The following RPH3AL variants were observed in gnomAD, a reference collection of about 807,000 sequenced individuals.
The protein encoded by RPH3AL is rabphilin 3A like (without C2 domains).
RPH3AL carries 38 observed loss-of-function variants against 43.1 expected under a neutral mutation model. The ratio of observed to expected loss-of-function variants is 0.88; its 90% confidence interval spans 0.68 to 1.15. The LOEUF (loss-of-function observed/expected upper bound fraction) is 1.15. Ranked by LOEUF, RPH3AL falls within the 50% of genes most tolerant of loss-of-function variation. RPH3AL has a pLI of 0.00. For missense variants in RPH3AL, 462 were observed against 423.2 expected (o/e 1.09, Z -0.81); for synonymous variants, 189 against 176.3 (o/e 1.07, Z -0.57).
At chr17:307,265 CCACGGCAGGT>C (rs2043519310) in intron 5 of RPH3AL, among the ~76,000 whole-genome samples, 1 of 110,438 alleles carries the variant, frequency 9.1e-6, no homozygotes, top group African/African-American at 3.8e-5. Flanking sequence ...CAGGTCCATC[CCACGGCAGGT>C]CCATCCCGCG....
chr17:248,126 T>C (rs2041809761), intron 6 of RPH3AL, among the ~76,000 whole-genome samples: 1 of 152,126 alleles, frequency 6.6e-6, no homozygotes, highest in Non-Finnish European at 1.5e-5. Flanking sequence ...TGCAGACACC[T>C]CCTCCTGCCC....
rs1015298098 is a variant in RPH3AL, at chr17:246,359, G to A, written c.613+752C>T. 2.6e-5 allele frequency among the ~76,000 whole-genome samples: 4 copies of A among 152,018 alleles called. No homozygotes were observed. The highest frequency in any genetic ancestry group is 2.0e-4 in the Admixed American group (3 of 15,266). ...AAACGTGAGCACTTCAGAGCAAAAGGACCCAGATGCCAGAGAGGGTAAGAG... is the reference window on the plus strand; with the variant it reads ...AAACGTGAGCACTTCAGAGCAAAAGAACCCAGATGCCAGAGAGGGTAAGAG... On this transcript the variant is annotated intron_variant, in intron 7 of 9. Transcript: ENST00000331302. This position sits in a 1 kb window ranked among gnomAD's most constrained non-coding sequence, Gnocchi z 4.8.
chr17:271,416 T>C (rs2042460736), intron 6 of RPH3AL, among the ~76,000 whole-genome samples: 1 of 152,244 alleles, frequency 6.6e-6, no homozygotes, highest in Non-Finnish European at 1.5e-5. Flanking sequence ...GAGCATGGAA[T>C]GTTCTTCCAT....
intron 5 of RPH3AL, among the ~76,000 whole-genome samples, chr17:316,262 G>C (rs1316238653): frequency 1.4e-5 from 1 of 69,980 alleles, no homozygotes. Flanking sequence ...TGTAGTCCCT[G>C]TGACTCCATC....
At chr17:339,501 T>G (rs1168425387) in intron 1 of RPH3AL, 1 of 152,478 alleles carries the variant, frequency 6.6e-6, no homozygotes, top group African/African-American at 2.4e-5. Flanking sequence ...CCATGGGTGC[T>G]GCCCACCTGC....
intron 7 of RPH3AL, among the ~76,000 whole-genome samples, chr17:226,352 G>A (rs572305755): frequency 1.3e-5 from 2 of 151,184 alleles, no homozygotes; most frequent in African/African-American, 2.4e-5. Flanking sequence ...CTTCATCTCC[G>A]TTTATAGACC....
rs113953692 is a variant in RPH3AL at position 289,661 on chromosome 17, G to A, written c.352-7807C>T. On this transcript the variant is annotated intron_variant, in intron 5 of 9. Coordinates refer to ENST00000331302, the MANE Select transcript of RPH3AL (RefSeq NM_006987.4). The surrounding 1 kb of genome is among the most constrained non-coding windows in gnomAD (Gnocchi z 5.2). ...CCTCACTTCATACGGCATTCGGGCC[G>A]GCCCTGCCTCCTGCTCTACTTCCTC... Among the ~76,000 whole-genome samples, 1,807 of 152,252 alleles carry A rather than the reference G, an allele frequency of 0.012. 33 individuals carry two copies. The highest frequency in any genetic ancestry group is 0.04 in the African/African-American group (1,665 of 41,530).
At chr17:216,588 G>C (rs1349961884) in intron 8 of RPH3AL, among the ~76,000 whole-genome samples, 2 of 151,286 alleles carry the variant, frequency 1.3e-5, no homozygotes, top group Non-Finnish European at 3.0e-5. Context: ...GAGGGGACAA[G>C]AGCCCATGGT....
chr17:313,250 A>G (rs2043689025), intron 5 of RPH3AL, among the ~76,000 whole-genome samples: 1 of 151,956 alleles, frequency 6.6e-6, no homozygotes, highest in Non-Finnish European at 1.5e-5. Context: ...GGCCATCACC[A>G]CCTGTCTCCA....
At chr17:317,335 A>C (rs1300106967) in intron 5 of RPH3AL, among the ~76,000 whole-genome samples, 6 of 130,616 alleles carry the variant, frequency 4.6e-5, no homozygotes, top group Admixed American at 3.2e-4. Flanking sequence ...CCCCACCTCC[A>C]TTGACCTGAA....
intron 1 of RPH3AL, among the ~76,000 whole-genome samples, chr17:350,864 C>T (rs1309836808): frequency 6.6e-6 from 1 of 152,204 alleles, no homozygotes; most frequent in Admixed American, 6.5e-5. Flanking sequence ...AGCAGGCTTC[C>T]TCCTCCTGTC....
chr17:312,945 G>C lies in RPH3AL; in HGVS notation c.351+6475C>G, dbSNP rs557395930. 4.6e-5 allele frequency among the ~76,000 whole-genome samples: 7 copies of C among 152,316 alleles called. No homozygotes were observed. In the South Asian group the frequency reaches 1.5e-3, roughly 32 times the overall value. On this transcript the variant is annotated intron_variant, in intron 5 of 9. Transcript: ENST00000331302. ...ACACGGAGGCACTCCTGAAAGTACAGATGAGTCCCTCCCATCTGGGCAGGA... is the reference window on the plus strand; with the variant it reads ...ACACGGAGGCACTCCTGAAAGTACACATGAGTCCCTCCCATCTGGGCAGGA...
chr17:285,264 G>A (rs528351062), intron 5 of RPH3AL, among the ~76,000 whole-genome samples: 7 of 152,042 alleles, frequency 4.6e-5, no homozygotes, highest in South Asian at 4.1e-4. Flanking sequence ...CGTGACTCTC[G>A]GCTCCTTCAG....
rs183660283 is a variant in RPH3AL, at chr17:274,322, C to A, written c.438+7446G>T. ...GGAGGCGTGCCATGGACCACCTGGGCCTCGCCTGCCCACCTGGGCCTCGCC... is the reference window on the plus strand; with the variant it reads ...GGAGGCGTGCCATGGACCACCTGGGACTCGCCTGCCCACCTGGGCCTCGCC... On this transcript the variant is annotated intron_variant, in intron 6 of 9. Coordinates refer to ENST00000331302, the MANE Select transcript of RPH3AL (RefSeq NM_006987.4). The surrounding 1 kb of genome is among the most constrained non-coding windows in gnomAD (Gnocchi z 4.7). 3.3e-5 allele frequency among the ~76,000 whole-genome samples: 5 copies of A among 152,246 alleles called. No homozygotes were observed. Among genetic ancestry groups the A allele is most frequent in the South Asian group, 2.1e-4 (1 of 4,824 alleles).
intron 5 of RPH3AL, among the ~76,000 whole-genome samples, chr17:305,676 C>G (rs949890884): frequency 1.3e-5 from 2 of 152,090 alleles, no homozygotes; most frequent in Admixed American, 1.3e-4. Flanking sequence ...GACAGCTTCC[C>G]GGCCACTCTC....
intron 6 of RPH3AL, among the ~76,000 whole-genome samples, chr17:277,123 A>G (rs188328320): frequency 5.9e-5 from 9 of 152,374 alleles, no homozygotes; most frequent in African/African-American, 2.2e-4. Flanking sequence ...AGAGCTATGC[A>G]CACAGTAATA....
At chr17:227,264 C>T (rs1173160616) in intron 7 of RPH3AL, among the ~76,000 whole-genome samples, 1 of 152,220 alleles carries the variant, frequency 6.6e-6, no homozygotes, top group Non-Finnish European at 1.5e-5. Flanking sequence ...TTTCCCCCTG[C>T]TCACTCTTGG....
At position 344,930 on chromosome 17, in the gene RPH3AL, C is replaced by A. The variant is rs1164438552; in HGVS notation, c.-213+7782G>T. Among the ~76,000 whole-genome samples the A allele has an allele frequency of 2.2e-5, 3 of 135,736 alleles. 1 individual carries two copies. The highest frequency in any genetic ancestry group is 1.7e-5 in the Non-Finnish European group (1 of 59,504). 89.0% of individuals were successfully genotyped at this position (135,736 alleles called of 152,430 possible). On this transcript the variant is annotated intron_variant, in intron 1 of 9. Coordinates refer to ENST00000331302, the MANE Select transcript of RPH3AL (RefSeq NM_006987.4). Reference sequence around the variant, plus strand: ...TGTATATACTGGGAAGAGGAATCAGCATGAGGGGAAAGGCCACCTGGCCTT... The same window carrying A: ...TGTATATACTGGGAAGAGGAATCAGAATGAGGGGAAAGGCCACCTGGCCTT...
intron 7 of RPH3AL, among the ~76,000 whole-genome samples, chr17:223,171 C>T (rs534667046): frequency 4.1e-4 from 59 of 144,118 alleles, no homozygotes; most frequent in African/African-American, 1.4e-3. Context: ...GCCTGGGTGA[C>T]AGAGCAAGAC....
Sources: gnomAD v4.1 joint callset for allele counts (sites outside exome capture counted in the v4.1 genomes callset) on GRCh38, gnomAD v4.1.1 for gene constraint, Gnocchi (gnomAD v3.1) non-coding constraint, MANE v1.5 for transcripts, NCBI Gene and HGNC (gene_info 2026-07-23, HGNC 2026-07-21) for gene names.